PDSS1: variants seen among roughly 807,000 people sequenced by gnomAD.
The protein encoded by PDSS1 is decaprenyl diphosphate synthase subunit 1.
PDSS1 carries 43 observed loss-of-function variants against 57.5 expected under a neutral mutation model. That is an observed-to-expected ratio of 0.75 (90% CI 0.59 to 0.96). The LOEUF (loss-of-function observed/expected upper bound fraction) is 0.96. PDSS1 is among the 50% of genes least tolerant of loss of function. PDSS1 has a pLI of 0.00. For missense variants in PDSS1, 438 were observed against 527.8 expected (o/e 0.83, Z 1.67); for synonymous variants, 175 against 191.3 (o/e 0.91, Z 0.70).
At chr10:26,715,982 G>A (rs1341827125) in intron 5 of PDSS1, 2 of 152,172 alleles carry the variant, frequency 1.3e-5, no homozygotes, top group African/African-American at 4.8e-5. Flanking sequence ...ATATTCAGGG[G>A]TTGCTGCTTT....
intron 10 of PDSS1, among the ~76,000 whole-genome samples, chr10:26,738,266 C>G (rs1430733811): frequency 1.3e-5 from 2 of 152,224 alleles, no homozygotes; most frequent in African/African-American, 2.4e-5. Context: ...TATCTCTAAT[C>G]TCACAACTCC....
At chr10:26,704,927 C>T (rs901754349) in intron 3 of PDSS1, among the ~76,000 whole-genome samples, 186 bp downstream of exon 3, 8 of 151,942 alleles carry the variant, frequency 5.3e-5, no homozygotes, top group South Asian at 2.1e-4. Context: ...CATAAGCACC[C>T]GGCCTAAAAT....
chr10:26,742,465 AT>A, intron 10 of PDSS1, 31 bp from the exon 11 acceptor site: 1 of 1,158,922 alleles, frequency 8.6e-7, no homozygotes. Context: ...AAATAAATAG[AT>A]TTTCTCAGAT....
intron 8 of PDSS1, among the ~76,000 whole-genome samples, chr10:26,731,615 A>G (rs912898878): frequency 6.6e-6 from 1 of 152,178 alleles, no homozygotes; most frequent in East Asian, 1.9e-4. Flanking sequence ...CTGTACCAGT[A>G]TGTGTTTCCA....
At chr10:26,741,495 G>A (rs1298529799) in intron 10 of PDSS1, among the ~76,000 whole-genome samples, 1 of 150,086 alleles carries the variant, frequency 6.7e-6, no homozygotes, top group Non-Finnish European at 1.5e-5. Context: ...CAGGAGGGGG[G>A]GAAAAACAAC....
In PDSS1 at chr10:26,704,625, T is replaced by A. The variant is rs549043266; in HGVS notation, c.163-52T>A. 1.3e-4 allele frequency: 109 copies of A among 822,280 alleles called. 2 individuals are homozygous for A. In the South Asian group the frequency reaches 1.4e-3, roughly 10 times the overall value. The allele number at this position is 822,280 out of a possible 1,614,324, so 50.9% of individuals were successfully genotyped here. ...TTATGGGGGTTTTATCATCCAATGTTACAGTTTTTCAGGAATATTCTTACA... is the reference window on the plus strand; with the variant it reads ...TTATGGGGGTTTTATCATCCAATGTAACAGTTTTTCAGGAATATTCTTACA... On this transcript the variant is annotated intron_variant, in intron 2 of 11. Coordinates refer to ENST00000376215, the MANE Select transcript of PDSS1 (RefSeq NM_014317.5).
chr10:26,739,366 CTG>C (rs2132310965), intron 10 of PDSS1, among the ~76,000 whole-genome samples: 1 of 152,340 alleles, frequency 6.6e-6, no homozygotes, highest in East Asian at 1.9e-4. Flanking sequence ...GTTCTTCCTG[CTG>C]TGTTTCTCTT....
chr10:26,727,862 G>C (rs1836011992), intron 8 of PDSS1, among the ~76,000 whole-genome samples: 1 of 152,072 alleles, frequency 6.6e-6, no homozygotes, highest in South Asian at 2.1e-4. Flanking sequence ...TCATTACCTT[G>C]GTATTTGGAA....
chr10:26,709,789 C>T (rs374834909), intron 5 of PDSS1, 21 bp downstream of exon 5: 10 of 1,612,018 alleles, frequency 6.2e-6, no homozygotes, highest in East Asian at 4.5e-5. Flanking sequence ...TTTTTCATTC[C>T]TTTCTTGTTT....
chr10:26,697,999 G>C (rs1441296311), intron 1 of PDSS1, among the ~76,000 whole-genome samples, 159 bp downstream of exon 1: 1 of 151,734 alleles, frequency 6.6e-6, no homozygotes, highest in South Asian at 2.1e-4. Context: ...GAGCTGAGGG[G>C]TGCTCGCGGT....
chr10:26,746,443 T>G lies in PDSS1; in HGVS notation c.1218T>G (p.Leu406=). The G allele has an allele frequency of 8.1e-6, 13 of 1,614,130 alleles. No individual in the cohort carries two copies. Among genetic ancestry groups the G allele is most frequent in the Non-Finnish European group, 1.1e-5 (13 of 1,179,970 alleles). The change falls in exon 12 of 12, where the codon CTT becomes CTG. Residue 406 remains leucine, a synonymous_variant. Transcript: ENST00000376215. ...PSPERDALIQ[L]SEIVLTRDK ...CAGAAAGAGATGCCCTCATTCAGCTTTCAGAAATTGTACTCACAAGAGATA... is the reference window on the plus strand; with the variant it reads ...CAGAAAGAGATGCCCTCATTCAGCTGTCAGAAATTGTACTCACAAGAGATA...
Position 26,697,710 on chromosome 10 carries a change from C to G in PDSS1, c.-2C>G. ...CCCTGCCGCGACTTTCAGACTCCGA[C>G]CATGGCCTCGCGCTGGTGGCGGTGG... On this transcript the variant is annotated 5_prime_UTR_variant, in exon 1 of 12. Transcript: ENST00000376215. The G allele has an allele frequency of 7.7e-7, 1 of 1,297,260 alleles. No individual in the cohort carries two copies. The highest frequency in any genetic ancestry group is 2.3e-5 in the South Asian group (1 of 42,960). The allele number at this position is 1,297,260 out of a possible 1,614,324, so 80.4% of individuals were successfully genotyped here. A position where few individuals can be genotyped will look rare whatever the true frequency, so the allele number is the denominator to read the frequency against.
At chr10:26,719,431 C>T (rs371686108) in intron 5 of PDSS1, among the ~76,000 whole-genome samples, 6 of 152,214 alleles carry the variant, frequency 3.9e-5, no homozygotes, top group Non-Finnish European at 7.3e-5. Flanking sequence ...GTTTTACAAA[C>T]ATCTTCTGTT....
chr10:26,701,563 A>G (rs936046091), intron 1 of PDSS1, among the ~76,000 whole-genome samples: 1 of 152,204 alleles, frequency 6.6e-6, no homozygotes, highest in African/African-American at 2.4e-5. Context: ...GGTGGCTTCC[A>G]TGTGCTGCTG....
At chr10:26,721,162 G>A (rs918274748) in intron 6 of PDSS1, among the ~76,000 whole-genome samples, 1 of 151,950 alleles carries the variant, frequency 6.6e-6, no homozygotes, top group African/African-American at 2.4e-5. Context: ...ACAAAAATTA[G>A]CCAGCGTACA....
intron 4 of PDSS1, among the ~76,000 whole-genome samples, chr10:26,708,541 T>C (rs1006510422): frequency 2.0e-5 from 3 of 152,238 alleles, no homozygotes; most frequent in Non-Finnish European, 4.4e-5. Flanking sequence ...ATTTGCAAAA[T>C]GTTTCTCTCC....
chr10:26,712,533 G>A lies in PDSS1; in HGVS notation c.467+2765G>A, dbSNP rs578151598. On this transcript the variant is annotated intron_variant, in intron 5 of 11. Coordinates refer to ENST00000376215, the MANE Select transcript of PDSS1 (RefSeq NM_014317.5). The stretch of plus-strand genomic sequence containing the variant: ...CATGGGGACAAGTCACGGTTGTGGC[G>A]TGGGTTTGGGTGGTACAGTACCCTA... Among the ~76,000 whole-genome samples, 5 of 98,962 alleles carry A rather than the reference G, an allele frequency of 5.1e-5. 1 individual carries two copies. The East Asian group carries it at 1.3e-3, about 25-fold the overall frequency. 64.9% of individuals were successfully genotyped at this position (98,962 alleles called of 152,430 possible). A position where few individuals can be genotyped will look rare whatever the true frequency, so the allele number is the denominator to read the frequency against.
chr10:26,699,355 G>A (rs1834972334), intron 1 of PDSS1, among the ~76,000 whole-genome samples: 1 of 151,638 alleles, frequency 6.6e-6, no homozygotes, highest in South Asian at 2.1e-4. Flanking sequence ...AGAGATGGGT[G>A]CATCCACCCT....
rs1836923018 is a variant in PDSS1, at chr10:26,746,500, T to C, written c.*27T>C. On this transcript the variant is annotated 3_prime_UTR_variant, in exon 12 of 12. Coordinates refer to ENST00000376215, the MANE Select transcript of PDSS1 (RefSeq NM_014317.5). ...AACTCTTTCTGTTCTTTCTGGCAGC[T>C]ATCTTACCAGACTGTGCCTAAAGAA... The C allele has an allele frequency of 6.2e-7, 1 of 1,611,950 alleles. No individual in the cohort carries two copies.
Sources: allele counts gnomAD v4.1 joint callset (sites outside exome capture counted in the v4.1 genomes callset), GRCh38; gene constraint gnomAD v4.1.1; transcripts MANE v1.5; gene names NCBI Gene and HGNC (gene_info 2026-07-23, HGNC 2026-07-21).